Variants in MYCBP2 observed in about 807,000 individuals in gnomAD.
MYCBP2 encodes MYC binding protein 2.
A neutral mutation model predicts 525.3 loss-of-function variants in MYCBP2; 120 were observed. That is an observed-to-expected ratio of 0.23 (90% CI 0.20 to 0.27). The LOEUF (loss-of-function observed/expected upper bound fraction) is 0.27. Ranked by LOEUF, MYCBP2 falls within the 10% of genes least tolerant of loss-of-function variation. MYCBP2 has a pLI of 1.00. For synonymous variants in MYCBP2, 1,894 were observed against 1,955.8 expected (o/e 0.97, Z 0.83); for missense variants, 4,149 against 5,657.1 (o/e 0.73, Z 8.55).
intron 2 of MYCBP2, among the ~76,000 whole-genome samples, chr13:77,295,718 T>A (rs1435977791): frequency 2.0e-5 from 3 of 152,224 alleles, no homozygotes; most frequent in Admixed American, 2.0e-4. Flanking sequence ...GAAAAGAGAC[T>A]GTTATATCAA....
rs141384111 is a variant in MYCBP2 at position 77,261,175 on chromosome 13, T to C, written c.1848A>G (p.Glu616=). The part of the protein sequence containing the change: ...TGSASKGEDG[E]STKSRRQSKP... ...ATAGTTGATCACTCAACTTACTTGA[T>C]TCTCCATCTTCTCCTTTACTAGCAG... The change falls in exon 12 of 83, where the codon GAA becomes GAG. Residue 616 remains glutamate (E), a synonymous_variant. Coordinates refer to ENST00000544440, the MANE Select transcript of MYCBP2 (RefSeq NM_015057.5). 1.2e-6 allele frequency: 2 copies of C among 1,611,256 alleles called. No homozygotes were observed. Among genetic ancestry groups the C allele is most frequent in the African/African-American group, 1.3e-5 (1 of 74,884 alleles).
In MYCBP2 at chr13:77,326,230, TAGGC is replaced by T. The variant is rs1241892180; in HGVS notation, c.302+240_302+243del. Among the ~76,000 whole-genome samples the T allele has an allele frequency of 2.6e-4, 31 of 118,002 alleles. No homozygotes were observed. The highest frequency in any genetic ancestry group is 4.8e-4 in the Non-Finnish European group (28 of 57,738). 77.4% of individuals were successfully genotyped at this position (118,002 alleles called of 152,430 possible). A position where few individuals can be genotyped will look rare whatever the true frequency, so the allele number is the denominator to read the frequency against. On this transcript the variant is annotated intron_variant, in intron 1 of 82. Transcript: ENST00000544440. The surrounding 1 kb of genome is among the most constrained non-coding windows in gnomAD (Gnocchi z 4.2). ...TACCACCCCTCACTATCCCCCCACA[TAGGC>T]AGGCAGACACACACACACACACACA...
chr13:77,148,706 A>G (rs2056011258), intron 47 of MYCBP2, among the ~76,000 whole-genome samples: 1 of 152,074 alleles, frequency 6.6e-6, no homozygotes, highest in East Asian at 1.9e-4. Context: ...ATTTCAACTG[A>G]TTATTCAAAG....
intron 3 of MYCBP2, among the ~76,000 whole-genome samples, chr13:77,285,030 T>C (rs1169683887): frequency 6.6e-6 from 1 of 152,202 alleles, no homozygotes; most frequent in African/African-American, 2.4e-5. Flanking sequence ...GGCTATCTGA[T>C]CTTCTTTAAT....
At chr13:77,108,425 G>A (rs1355807796) in intron 55 of MYCBP2, among the ~76,000 whole-genome samples, 1 of 152,158 alleles carries the variant, frequency 6.6e-6, no homozygotes, top group Non-Finnish European at 1.5e-5. Context: ...CAAAATATAA[G>A]AGACAGGTAT....
intron 17 of MYCBP2, among the ~76,000 whole-genome samples, chr13:77,237,422 G>A (rs1250958834): frequency 3.3e-5 from 5 of 151,934 alleles, no homozygotes; most frequent in Admixed American, 6.5e-5. Flanking sequence ...TTGAGGGGGG[G>A]ATGGAAATGG....
rs55921143 is a variant in MYCBP2 at position 77,131,517 on chromosome 13, AACACACAC to A, written c.7660-4983_7660-4976del. On this transcript the variant is annotated intron_variant, in intron 52 of 82. Transcript: ENST00000544440. ...ACACACACACACACACACACAAACA[AACACACAC>A]ACACACACACACACACTTGAATAGT... Among the ~76,000 whole-genome samples, 24 of 146,598 alleles carry A rather than the reference AACACACAC, an allele frequency of 1.6e-4. No homozygotes were observed. In the East Asian group the frequency reaches 4.0e-3, roughly 25 times the overall value.
chr13:77,051,197 T>C (rs1555286529), intron 81 of MYCBP2, 35 bp from the exon 82 acceptor site: 2 of 1,566,052 alleles, frequency 1.3e-6, no homozygotes, highest in South Asian at 1.2e-5. Context: ...CACAAGATCA[T>C]AGTGAGACTA....
intron 76 of MYCBP2, among the ~76,000 whole-genome samples, chr13:77,060,276 A>G (rs1284951734): frequency 6.6e-6 from 1 of 152,232 alleles, no homozygotes; most frequent in Non-Finnish European, 1.5e-5. Flanking sequence ...TGAATTCAGC[A>G]ATATTTACAG....
rs2154130751 is a variant in MYCBP2, at chr13:77,099,010, T to C, written c.8144A>G (p.Asp2715Gly). 1.2e-6 allele frequency: 2 copies of C among 1,604,678 alleles called. No homozygotes were observed. The highest frequency in any genetic ancestry group is 3.3e-4 in the Middle Eastern group (2 of 6,040). The change falls in exon 56 of 83, where the codon GAT becomes GGT. Residue 2715 changes from aspartate (D) to glycine (G), a missense_variant. Physicochemically the swap from Asp to Gly is moderately conservative, Grantham distance 94 (BLOSUM62 -1). This residue lies in a region of MYCBP2 where 653 missense variants were observed against 744.7 expected (regional missense o/e 0.88). Coordinates refer to ENST00000544440, the MANE Select transcript of MYCBP2 (RefSeq NM_015057.5). The stretch of plus-strand genomic sequence containing the variant: ...AGAAGATGTTGAGATGTTTCCTCGA[T>C]CACCTGTATGGTCCATTTTACAGTG... ...FDYGLGNSKG[D>G]RGNISTSSKP...
intron 17 of MYCBP2, among the ~76,000 whole-genome samples, chr13:77,240,864 T>C (rs184095105): frequency 5.9e-5 from 9 of 152,284 alleles, no homozygotes; most frequent in Admixed American, 5.9e-4. Flanking sequence ...AGATATTCAC[T>C]ATATATTGTT....
At chr13:77,321,450 T>C (rs2081603274) in intron 1 of MYCBP2, among the ~76,000 whole-genome samples, 1 of 152,250 alleles carries the variant, frequency 6.6e-6, no homozygotes, top group Non-Finnish European at 1.5e-5. Context: ...CATTACTTCC[T>C]GACATATTCC....
chr13:77,184,859 T>TC (rs2060578124), intron 32 of MYCBP2, among the ~76,000 whole-genome samples: 1 of 152,188 alleles, frequency 6.6e-6, no homozygotes, highest in Non-Finnish European at 1.5e-5. Flanking sequence ...TCTCTCAGAA[T>TC]CACTCACTCC....
At chr13:77,161,298 A>C (rs530115499) in intron 44 of MYCBP2, among the ~76,000 whole-genome samples, 39 of 152,332 alleles carry the variant, frequency 2.6e-4, no homozygotes, top group African/African-American at 8.7e-4. Flanking sequence ...AACAGATCCA[A>C]AGGGGGTATT....
intron 18 of MYCBP2, among the ~76,000 whole-genome samples, chr13:77,228,471 C>T (rs1274367089): frequency 6.7e-6 from 1 of 149,878 alleles, no homozygotes; most frequent in African/African-American, 2.5e-5. Context: ...CATGCCATTG[C>T]ACTCCAGCCT....
intron 3 of MYCBP2, among the ~76,000 whole-genome samples, chr13:77,282,438 A>G (rs1004258842): frequency 6.6e-6 from 1 of 151,762 alleles, no homozygotes; most frequent in Admixed American, 6.6e-5. Context: ...GAAAGAAAGT[A>G]TGAGTGTGAA....
Position 77,177,935 on chromosome 13 carries a change from A to C in MYCBP2, c.5153T>G (p.Leu1718Arg). The C allele has an allele frequency of 6.2e-7, 1 of 1,609,418 alleles. No homozygotes were observed. The highest frequency in any genetic ancestry group is 8.5e-7 in the Non-Finnish European group (1 of 1,175,706). ...LGSEVDGLNS[L>R]HSVKASANRF... ...GTTAGCACTAGCTTTTACAGAGTGA[A>C]GAGAATTAAGTCCATCAACCTGTGA... The change falls in exon 35 of 83, where the codon CTT (leucine) becomes CGT (arginine). Residue 1718 changes from leucine to arginine, a missense_variant. This residue lies in a region of MYCBP2 where 54 missense variants were observed against 117.0 expected (regional missense o/e 0.46). Coordinates refer to ENST00000544440, the MANE Select transcript of MYCBP2 (RefSeq NM_015057.5).
chr13:77,062,465 G>T, intron 74 of MYCBP2, 131 bp downstream of exon 74: 1 of 753,172 alleles, frequency 1.3e-6, no homozygotes, highest in Non-Finnish European at 2.2e-6. Flanking sequence ...TGGCCGAAGG[G>T]ACACAATCTT....
intron 73 of MYCBP2, 85 bp from the exon 74 acceptor site, chr13:77,062,782 T>A: frequency 9.7e-7 from 1 of 1,035,886 alleles, no homozygotes; most frequent in South Asian, 1.3e-5. Flanking sequence ...AACAGCTCAA[T>A]AAATGCTGGC....
Sources: allele counts gnomAD v4.1 joint callset (sites outside exome capture counted in the v4.1 genomes callset), GRCh38; gene constraint gnomAD v4.1.1; regional missense constraint gnomAD v4.1.1; non-coding constraint Gnocchi (gnomAD v3.1); transcripts MANE v1.5; gene names NCBI Gene and HGNC (gene_info 2026-07-23, HGNC 2026-07-21).